The following KCNMB2 variants were observed in gnomAD, a reference collection of about 807,000 sequenced individuals.
The protein encoded by KCNMB2 is potassium calcium-activated channel subfamily M regulatory beta subunit 2, also known as calcium-activated potassium channel subunit beta-2.
A neutral mutation model predicts 24.5 loss-of-function variants in KCNMB2; 9 were observed. That is an observed-to-expected ratio of 0.37 (90% CI 0.22 to 0.64). The LOEUF (loss-of-function observed/expected upper bound fraction) is 0.64, where lower values mean the gene tolerates loss of function less well. Among genes scored for constraint, KCNMB2 ranks in the 30% least tolerant of loss-of-function variants. KCNMB2 has a pLI of 0.63. For synonymous variants in KCNMB2, 109 were observed against 104.4 expected, an observed-to-expected ratio of 1.04 and a Z score of -0.27; for missense variants, 226 against 284.3, an observed-to-expected ratio of 0.79 and a Z score of 1.47.
intron 1 of KCNMB2, among the ~76,000 whole-genome samples, chr3:178,633,654 G>A (rs59818913): frequency 0.077 from 11,803 of 152,300 alleles, 550 homozygotes; most frequent in Middle Eastern, 0.21. Context: ...CTGGGCCTGT[G>A]ATGGGAGGGG....
chr3:178,786,917 T>C (rs1713125039), intron 1 of KCNMB2, among the ~76,000 whole-genome samples: 1 of 152,042 alleles, frequency 6.6e-6, no homozygotes, highest in South Asian at 2.1e-4. Flanking sequence ...TCAAATAAGT[T>C]GCAGGAACAG....
chr3:178,739,039 G>A (rs1203861311), intron 1 of KCNMB2, among the ~76,000 whole-genome samples: 1 of 151,276 alleles, frequency 6.6e-6, no homozygotes, highest in African/African-American at 2.4e-5. Flanking sequence ...TATGTAGTAA[G>A]GAAAAAAGTC....
intron 1 of KCNMB2, among the ~76,000 whole-genome samples, chr3:178,606,469 A>G (rs927138283): frequency 1.9e-4 from 15 of 79,060 alleles, no homozygotes; most frequent in Non-Finnish European, 2.6e-4. Context: ...CTTCTTTCCT[A>G]TTTCTTTTTT....
intron 1 of KCNMB2, among the ~76,000 whole-genome samples, chr3:178,718,402 T>C (rs1722688941): frequency 6.6e-6 from 1 of 152,232 alleles, no homozygotes; most frequent in Non-Finnish European, 1.5e-5. Flanking sequence ...TGTGTCTAGC[T>C]AGCTAGCTAA....
At chr3:178,720,933 A>G (rs1347461448) in intron 1 of KCNMB2, among the ~76,000 whole-genome samples, 1 of 151,940 alleles carries the variant, frequency 6.6e-6, no homozygotes, top group East Asian at 1.9e-4. Context: ...TTGCCTGTTC[A>G]CTCTGATGGT....
chr3:178,720,007 T>A (rs990665355), intron 1 of KCNMB2, among the ~76,000 whole-genome samples: 3 of 152,154 alleles, frequency 2.0e-5, no homozygotes, highest in Non-Finnish European at 4.4e-5. Context: ...TACTTTAAGT[T>A]TTAGGGTACA....
At chr3:178,605,157 G>A (rs1277706293) in intron 1 of KCNMB2, among the ~76,000 whole-genome samples, 1 of 152,108 alleles carries the variant, frequency 6.6e-6, no homozygotes, top group Non-Finnish European at 1.5e-5. Context: ...CCTTTGGTTG[G>A]TGATTAGGTT....
chr3:178,701,525 T>C (rs9798858), intron 1 of KCNMB2, among the ~76,000 whole-genome samples: 47,678 of 151,498 alleles, frequency 0.31, 7,997 homozygotes, highest in African/African-American at 0.43. Context: ...GGGGATGGCA[T>C]TGGGCTAATA....
At position 178,711,064 on chromosome 3, in the gene KCNMB2, G is replaced by A. The variant is rs139948711; in HGVS notation, c.-67-96279G>A. On this transcript the variant is annotated intron_variant, in intron 1 of 4. Transcript: ENST00000452583. Reference sequence around the variant, plus strand: ...CTATACCTATCCGTTTATATAAATAGTTTATTAAGTTTTCTTTGCATCAAT... The same window carrying A: ...CTATACCTATCCGTTTATATAAATAATTTATTAAGTTTTCTTTGCATCAAT... Among the ~76,000 whole-genome samples, 868 of 152,172 alleles carry A rather than the reference G, an allele frequency of 5.7e-3. 10 individuals are homozygous for A. The highest frequency in any genetic ancestry group is 0.02 in the African/African-American group (849 of 41,516).
rs374836412 is a variant in KCNMB2 at position 178,592,089 on chromosome 3, C to T, written c.-68+55378C>T. On this transcript the variant is annotated intron_variant, in intron 1 of 4. Coordinates refer to ENST00000452583, the MANE Select transcript of KCNMB2 (RefSeq NM_181361.3). ...CTATGGGAGGGCAAAAGAGTACTTT[C>T]CCTTCATGTCTGTAGCATATATTGC... 1.1e-4 allele frequency among the ~76,000 whole-genome samples: 16 copies of T among 152,158 alleles called. No homozygotes were observed. In the South Asian group the frequency reaches 3.3e-3, roughly 32 times the overall value.
chr3:178,608,850 T>C (rs963364666), intron 1 of KCNMB2, among the ~76,000 whole-genome samples: 1 of 152,218 alleles, frequency 6.6e-6, no homozygotes, highest in Non-Finnish European at 1.5e-5. Context: ...TAGTACTCCA[T>C]TGTGTACGTA....
At chr3:178,542,451 A>G (rs1715651466) in intron 1 of KCNMB2, among the ~76,000 whole-genome samples, 1 of 152,212 alleles carries the variant, frequency 6.6e-6, no homozygotes, top group African/African-American at 2.4e-5. Flanking sequence ...CCTCAGCAGT[A>G]GATATTATAC....
intron 1 of KCNMB2, among the ~76,000 whole-genome samples, chr3:178,684,792 T>C (rs1418282213): frequency 6.6e-6 from 1 of 152,090 alleles, no homozygotes; most frequent in African/African-American, 2.4e-5. Flanking sequence ...GATCGCGCCA[T>C]TGCACTCCAG....
intron 1 of KCNMB2, among the ~76,000 whole-genome samples, chr3:178,567,446 T>C (rs113961621): frequency 2.0e-5 from 3 of 152,230 alleles, no homozygotes; most frequent in African/African-American, 7.2e-5. Context: ...CACTATATTA[T>C]TATCATCATT....
intron 1 of KCNMB2, among the ~76,000 whole-genome samples, chr3:178,617,221 T>C (rs1718736994): frequency 6.6e-6 from 1 of 152,182 alleles, no homozygotes; most frequent in Non-Finnish European, 1.5e-5. Flanking sequence ...TAAAATATTA[T>C]TATTATTCAA....
intron 1 of KCNMB2, among the ~76,000 whole-genome samples, chr3:178,625,844 G>A (rs113456782): frequency 5.9e-5 from 9 of 152,190 alleles, no homozygotes; most frequent in South Asian, 2.1e-4. Flanking sequence ...TCACGTGTTC[G>A]TGTTCTTCCA....
chr3:178,736,760 T>C (rs776466630), intron 1 of KCNMB2, among the ~76,000 whole-genome samples: 3 of 152,222 alleles, frequency 2.0e-5, no homozygotes. Flanking sequence ...GAAATATGTT[T>C]AAAGCTAACA....
At chr3:178,614,325 A>G (rs1206543906) in intron 1 of KCNMB2, among the ~76,000 whole-genome samples, 27 of 124,596 alleles carry the variant, frequency 2.2e-4, no homozygotes, top group Middle Eastern at 4.2e-3. Context: ...GTGTATATAT[A>G]TATGTATGTA....
chr3:178,712,012 AT>A (rs1260075162), intron 1 of KCNMB2, among the ~76,000 whole-genome samples: 2 of 152,106 alleles, frequency 1.3e-5, no homozygotes, highest in Non-Finnish European at 2.9e-5. Flanking sequence ...GTCAGACAAA[AT>A]TTTGCCGTTG....
Sources: allele counts gnomAD v4.1 joint callset (sites outside exome capture counted in the v4.1 genomes callset), GRCh38; gene constraint gnomAD v4.1.1; transcripts MANE v1.5; gene names NCBI Gene and HGNC (gene_info 2026-07-23, HGNC 2026-07-21).